Variants in SORCS3 observed in about 807,000 individuals in gnomAD.
SORCS3 encodes sortilin related VPS10 domain containing receptor 3, also known as VPS10 domain-containing receptor SorCS3.
A neutral mutation model predicts 146.3 loss-of-function variants in SORCS3; 57 were observed. That is an observed-to-expected ratio of 0.39 (90% CI 0.31 to 0.49). SORCS3 has a LOEUF of 0.49. Ranked by LOEUF, SORCS3 falls within the 20% of genes least tolerant of loss-of-function variation. The pLI is 0.92. For synonymous variants in SORCS3, 653 were observed against 618.5 expected, an observed-to-expected ratio of 1.06 and a Z score of -0.83; for missense variants, 1,341 against 1,575.5, an observed-to-expected ratio of 0.85 and a Z score of 2.52.
At chr10:105,117,259 C>A (rs1007348751) in intron 7 of SORCS3, among the ~76,000 whole-genome samples, 4 of 152,122 alleles carry the variant, frequency 2.6e-5, no homozygotes, top group African/African-American at 9.7e-5. Context: ...CAGATCATTC[C>A]TCAACAAACA....
chr10:104,823,139 G>T (rs1376794090), intron 1 of SORCS3, among the ~76,000 whole-genome samples: 1 of 152,142 alleles, frequency 6.6e-6, no homozygotes, highest in Non-Finnish European at 1.5e-5. Context: ...TGCCTGCAGG[G>T]CCAATAGGCA....
chr10:105,256,464 T>G (rs1266879473), intron 24 of SORCS3, among the ~76,000 whole-genome samples: 1 of 152,214 alleles, frequency 6.6e-6, no homozygotes, highest in Admixed American at 6.5e-5. Flanking sequence ...TAACCCAAAA[T>G]TTCAAATGGG....
At chr10:104,699,388 CAAGT>C (rs2016254215) in intron 1 of SORCS3, among the ~76,000 whole-genome samples, 1 of 151,824 alleles carries the variant, frequency 6.6e-6, no homozygotes, top group African/African-American at 2.4e-5. Context: ...AGTATTTTAC[CAAGT>C]AATTGCCAAA....
intron 1 of SORCS3, among the ~76,000 whole-genome samples, chr10:104,838,675 G>T (rs763652599): frequency 6.6e-6 from 1 of 152,170 alleles, no homozygotes; most frequent in Non-Finnish European, 1.5e-5. Context: ...TCAATGTAAA[G>T]GAAGCAGTGT....
chr10:105,165,849 C>T (rs1398482829), intron 12 of SORCS3, among the ~76,000 whole-genome samples: 1 of 152,048 alleles, frequency 6.6e-6, no homozygotes, highest in Non-Finnish European at 1.5e-5. Context: ...TTTTTCACTC[C>T]AGTACTAGAC....
intron 1 of SORCS3, among the ~76,000 whole-genome samples, chr10:104,760,527 T>C (rs550542799): frequency 4.5e-4 from 69 of 152,222 alleles, no homozygotes; most frequent in Non-Finnish European, 7.2e-4. Context: ...ATACTGACTT[T>C]GGTCCTTGTT....
At chr10:104,861,172 C>T (rs1348197136) in intron 2 of SORCS3, among the ~76,000 whole-genome samples, 1 of 152,184 alleles carries the variant, frequency 6.6e-6, no homozygotes, top group Admixed American at 6.5e-5. Flanking sequence ...ACTTGTCAAA[C>T]AGAAGCTTAC....
At chr10:104,795,707 T>G (rs923545840) in intron 1 of SORCS3, among the ~76,000 whole-genome samples, 5 of 152,238 alleles carry the variant, frequency 3.3e-5, no homozygotes, top group African/African-American at 1.2e-4. Context: ...TGATAACCGC[T>G]AAGTTGGAGT....
chr10:105,032,805 G>A (rs1256440700), intron 4 of SORCS3, among the ~76,000 whole-genome samples: 2 of 152,118 alleles, frequency 1.3e-5, no homozygotes, highest in Non-Finnish European at 2.9e-5. Flanking sequence ...TGAACACAGT[G>A]AGGAGGCCAG....
intron 4 of SORCS3, among the ~76,000 whole-genome samples, chr10:105,018,652 A>G (rs2055181750): frequency 6.6e-6 from 1 of 152,222 alleles, no homozygotes; most frequent in Admixed American, 6.5e-5. Flanking sequence ...CTAACTTTTG[A>G]AAACAAAATA....
chr10:104,852,677 T>A (rs551805494), intron 2 of SORCS3, among the ~76,000 whole-genome samples: 1 of 152,326 alleles, frequency 6.6e-6, no homozygotes, highest in Non-Finnish European at 1.5e-5. Flanking sequence ...TCCCACAGCA[T>A]ACCACCTTTC....
chr10:105,070,946 T>C (rs992886877), intron 5 of SORCS3, among the ~76,000 whole-genome samples: 3 of 152,090 alleles, frequency 2.0e-5, no homozygotes, highest in Non-Finnish European at 4.4e-5. Flanking sequence ...AAGGAAAATA[T>C]GCAGACAGTG....
At chr10:105,036,834 G>A (rs865892262) in intron 4 of SORCS3, among the ~76,000 whole-genome samples, 3 of 152,112 alleles carry the variant, frequency 2.0e-5, no homozygotes, top group African/African-American at 7.2e-5. Context: ...AAGAGAACCA[G>A]CCTCATTTTA....
intron 5 of SORCS3, among the ~76,000 whole-genome samples, chr10:105,084,831 C>A (rs562160182): frequency 8.7e-4 from 132 of 151,868 alleles, no homozygotes; most frequent in Non-Finnish European, 5.6e-4. Context: ...CCCGGGTTCA[C>A]GCCATTCTCC....
At chr10:105,072,535 A>G (rs1272522090) in intron 5 of SORCS3, among the ~76,000 whole-genome samples, 1 of 152,134 alleles carries the variant, frequency 6.6e-6, no homozygotes, top group African/African-American at 2.4e-5. Flanking sequence ...GCTCTGTGCC[A>G]GGGCTATGCG....
chr10:105,102,538 A>C (rs959294986), intron 6 of SORCS3, among the ~76,000 whole-genome samples: 3 of 152,170 alleles, frequency 2.0e-5, no homozygotes, highest in African/African-American at 7.2e-5. Flanking sequence ...TTGAGGGAAG[A>C]GGTTGGGAGG....
intron 4 of SORCS3, among the ~76,000 whole-genome samples, chr10:105,022,751 G>A (rs1396804364): frequency 1.3e-5 from 2 of 152,092 alleles, no homozygotes; most frequent in African/African-American, 4.8e-5. Context: ...ACCTTGATTT[G>A]GAAGTATACC....
chr10:105,198,982 G>A (rs2056559126), intron 14 of SORCS3, among the ~76,000 whole-genome samples: 1 of 152,088 alleles, frequency 6.6e-6, no homozygotes, highest in Non-Finnish European at 1.5e-5. Context: ...GAGAGCATAA[G>A]AAAATGACCC....
At chr10:104,797,942 A>G (rs1318909365) in intron 1 of SORCS3, among the ~76,000 whole-genome samples, 1 of 152,206 alleles carries the variant, frequency 6.6e-6, no homozygotes, top group East Asian at 1.9e-4. Flanking sequence ...CTGAATTAGC[A>G]TTTTTGAGAG....
Sources: allele counts gnomAD v4.1 joint callset (sites outside exome capture counted in the v4.1 genomes callset), GRCh38; gene constraint gnomAD v4.1.1; transcripts MANE v1.5; gene names NCBI Gene and HGNC (gene_info 2026-07-23, HGNC 2026-07-21).